NDRG2: variants seen among roughly 807,000 people sequenced by gnomAD.
NDRG2 encodes protein NDRG2.
In NDRG2, 34 loss-of-function variants were observed where a neutral mutation model predicts 58.2. The observed-to-expected ratio is 0.58, with a 90% CI of 0.44 to 0.78. The LOEUF is 0.78. Among genes scored for constraint, NDRG2 ranks in the 30% least tolerant of loss-of-function variants. The pLI is 0.00. For synonymous variants in NDRG2, 187 were observed against 175.9 expected (o/e 1.06, Z -0.50); for missense variants, 434 against 471.2 (o/e 0.92, Z 0.73).
At chr14:21,036,458 A>G (rs1443341182) in intron 1 of NDRG2, among the ~76,000 whole-genome samples, 2 of 152,162 alleles carry the variant, frequency 1.3e-5, no homozygotes, top group Non-Finnish European at 2.9e-5. Context: ...AAAATTCATA[A>G]TGTTTTAAGA....
At chr14:21,058,051 C>A (rs760537507) in intron 1 of NDRG2, 2 of 1,614,170 alleles carry the variant, frequency 1.2e-6, no homozygotes, top group Admixed American at 3.3e-5. Context: ...GCAACTCAGC[C>A]ATGAGCATCA....
Position 21,020,306 on chromosome 14 carries a change from A to G in NDRG2, c.555+190T>C, listed in dbSNP as rs1233740681. On this transcript the variant is annotated intron_variant, in intron 8 of 15. Coordinates refer to ENST00000556147, the MANE Select transcript of NDRG2 (RefSeq NM_001320329.2). ...GAGACACCATCTCAAAAAAAAAAAA[A>G]AAAAGAAAAAGAAAAAGAAAGTTCA... 13 of 581,924 alleles carry G rather than the reference A, an allele frequency of 2.2e-5. 1 individual carries two copies. Among genetic ancestry groups the G allele is most frequent in the African/African-American group, 3.7e-5 (2 of 53,406 alleles). 36.0% of individuals were successfully genotyped at this position (581,924 alleles called of 1,614,324 possible).
intron 1 of NDRG2, among the ~76,000 whole-genome samples, chr14:21,045,867 G>A (rs1885119776): frequency 6.6e-6 from 1 of 152,140 alleles, no homozygotes. Flanking sequence ...GGGGCATGGG[G>A]GAGCCTTCTG....
At chr14:21,025,312 T>G, upstream of NDRG2, 1 of 945,922 alleles carries the variant, frequency 1.1e-6, no homozygotes, top group Non-Finnish European at 1.3e-6. This position sits in a 1 kb window ranked among gnomAD's most constrained non-coding sequence, Gnocchi z 5.1. Context: ...CCTCCCCGCA[T>G]TGGGGCGGTG....
intron 1 of NDRG2, among the ~76,000 whole-genome samples, chr14:21,053,782 T>C (rs1594511913): frequency 1.3e-5 from 2 of 152,038 alleles, no homozygotes; most frequent in African/African-American, 4.8e-5. Flanking sequence ...CCAGCCTGGG[T>C]GACAGAGCAA....
At chr14:21,043,086 G>GGCAT (rs1884982006) in intron 1 of NDRG2, 1 of 1,613,980 alleles carries the variant, frequency 6.2e-7, no homozygotes, top group African/African-American at 1.3e-5. Context: ...CAAGCCCAAG[G>GGCAT]GCATGACCTC....
intron 1 of NDRG2, among the ~76,000 whole-genome samples, chr14:21,037,607 C>A (rs1374202225): frequency 6.6e-6 from 1 of 152,138 alleles, no homozygotes; most frequent in East Asian, 1.9e-4. Flanking sequence ...ATTATCCAGA[C>A]CAAGATGTAA....
intron 1 of NDRG2, among the ~76,000 whole-genome samples, chr14:21,054,313 A>T (rs1258467410): frequency 7.0e-6 from 1 of 142,910 alleles, no homozygotes; most frequent in Non-Finnish European, 1.5e-5. Flanking sequence ...GTTTTTAGAT[A>T]GATTGATCAC....
At chr14:21,041,175 T>C (rs1268511327) in intron 1 of NDRG2, among the ~76,000 whole-genome samples, 24 of 152,112 alleles carry the variant, frequency 1.6e-4, no homozygotes, top group Admixed American at 1.6e-3. Flanking sequence ...TCAAATTTTT[T>C]ATAGAGACAG....
At chr14:21,060,154 T>A (rs1009100390) in intron 1 of NDRG2, among the ~76,000 whole-genome samples, 3 of 152,060 alleles carry the variant, frequency 2.0e-5, no homozygotes, top group African/African-American at 7.2e-5. Flanking sequence ...TGATTCAGAG[T>A]AAGGAAAGGA....
chr14:21,070,524 C>A lies in NDRG2; in HGVS notation c.24+304G>T. ...ACTGTTCGGCCCCTCTGGGACTCTC[C>A]TCCCTCCCATCCCCCCTTCTTCGAT... is the stretch of plus-strand genomic sequence containing the variant. On this transcript the variant is annotated intron_variant, in intron 1 of 14. Transcript: ENST00000403829. This position sits in a 1 kb window ranked among gnomAD's most constrained non-coding sequence, Gnocchi z 4.7. The A allele has an allele frequency of 1.7e-6, 2 of 1,178,828 alleles. No homozygotes were observed. The highest frequency in any genetic ancestry group is 2.3e-6 in the Non-Finnish European group (2 of 880,312). 73.0% of individuals were successfully genotyped at this position (1,178,828 alleles called of 1,614,324 possible).
At chr14:21,026,952 G>C (rs1318327674), upstream of NDRG2, among the ~76,000 whole-genome samples, 1 of 152,162 alleles carries the variant, frequency 6.6e-6, no homozygotes, top group Non-Finnish European at 1.5e-5. Context: ...CCTCGAGTGA[G>C]AACTTTTGCC....
At chr14:21,045,366 T>G (rs1885097579) in intron 1 of NDRG2, among the ~76,000 whole-genome samples, 1 of 152,184 alleles carries the variant, frequency 6.6e-6, no homozygotes, top group Non-Finnish European at 1.5e-5. Context: ...AACGACTGAG[T>G]GTAAAAACAA....
Position 21,031,025 on chromosome 14 carries a change from C to T in NDRG2, c.25-7704G>A, listed in dbSNP as rs766822360. ...CTAACTGACCAGGGCCAAGAACGCC[C>T]GAACCATCACGTTTCAACAGTTCAA... On this transcript the variant is annotated intron_variant, in intron 1 of 14. Transcript: ENST00000403829. The T allele has an allele frequency of 4.2e-5, 68 of 1,609,676 alleles. No homozygotes were observed. The East Asian group carries it at 4.2e-4, about 10-fold the overall frequency.
chr14:21,036,497 T>C (rs914128406), intron 1 of NDRG2, among the ~76,000 whole-genome samples: 10 of 152,184 alleles, frequency 6.6e-5, no homozygotes, highest in African/African-American at 2.2e-4. Flanking sequence ...TGGGCTGCAT[T>C]CAAAGCCATC....
In NDRG2 at chr14:21,017,040, T is replaced by A; in HGVS notation, c.*556A>T. On this transcript the variant is annotated 3_prime_UTR_variant, in exon 16 of 16. Transcript: ENST00000556147. ...CCACACTCGTTCACTGCCCGCCAAC[T>A]CCCATTCCAACTTCCTTTTTACACT... is the stretch of plus-strand genomic sequence containing the variant. The A allele has an allele frequency of 2.2e-6, 1 of 454,692 alleles. No homozygotes were observed. Among genetic ancestry groups the A allele is most frequent in the Non-Finnish European group, 4.4e-6 (1 of 225,560 alleles). The allele number at this position is 454,692 out of a possible 1,614,324, so 28.2% of individuals were successfully genotyped here. A position where few individuals can be genotyped will look rare whatever the true frequency, so the allele number is the denominator to read the frequency against.
chr14:21,043,339 A>G, intron 1 of NDRG2: 1 of 1,614,202 alleles, frequency 6.2e-7, no homozygotes, highest in Non-Finnish European at 8.5e-7. Flanking sequence ...TCAGGGAAGC[A>G]TCCGAACTGC....
rs1885641590 is a variant in NDRG2 at position 21,055,631 on chromosome 14, A to G, written c.24+15197T>C. On this transcript the variant is annotated intron_variant, in intron 1 of 14. Coordinates refer to the NDRG2 transcript ENST00000403829. ...CCTACTTCAGGGAAAGCATGTTTGCAACGTATTTGGAATCAGAGCTTGCAA... is the reference window on the plus strand; with the variant it reads ...CCTACTTCAGGGAAAGCATGTTTGCGACGTATTTGGAATCAGAGCTTGCAA... Among the ~76,000 whole-genome samples the G allele has an allele frequency of 2.0e-5, 3 of 152,326 alleles. No homozygotes were observed. The Middle Eastern group carries it at 0.01, about 518-fold the overall frequency.
At chr14:21,046,555 A>ATACCTACATACATACC (rs879326518) in intron 1 of NDRG2, among the ~76,000 whole-genome samples, 2 of 150,662 alleles carry the variant, frequency 1.3e-5, no homozygotes, top group African/African-American at 2.5e-5. Flanking sequence ...ACATACATAC[A>ATACCTACATACATACC]TACATACATA....
Sources: allele counts gnomAD v4.1 joint callset (sites outside exome capture counted in the v4.1 genomes callset), GRCh38; gene constraint gnomAD v4.1.1; non-coding constraint Gnocchi (gnomAD v3.1); transcripts MANE v1.5; gene names NCBI Gene and HGNC (gene_info 2026-07-23, HGNC 2026-07-21).